Variants in IHO1 observed in about 807,000 individuals in gnomAD.
IHO1 encodes the protein interactor of HORMAD1 protein 1.
In IHO1, 13 loss-of-function variants were observed where a neutral mutation model predicts 31.0. The ratio of observed to expected loss-of-function variants is 0.42; its 90% CI spans 0.27 to 0.67. IHO1 has a LOEUF of 0.67. Ranked by LOEUF, IHO1 falls within the 30% of genes least tolerant of loss-of-function variation. The probability of loss-of-function intolerance (pLI) is 0.24; values close to 1 mark genes in which losing one functional copy is unlikely to be tolerated. For missense variants in IHO1, 599 were observed against 687.5 expected (o/e 0.87, Z 1.44); for synonymous variants, 221 against 248.4 (o/e 0.89, Z 1.04).
intron 6 of IHO1, among the ~76,000 whole-genome samples, chr3:49,246,196 A>C (rs2046692979): frequency 6.6e-6 from 1 of 151,556 alleles, no homozygotes; most frequent in Admixed American, 6.6e-5. Context: ...AAAAAAAAAA[A>C]AAAAAACTTG....
chr3:49,212,860 T>C (rs1354104272), intron 2 of IHO1, among the ~76,000 whole-genome samples: 4 of 152,218 alleles, frequency 2.6e-5, no homozygotes, highest in African/African-American at 7.2e-5. Flanking sequence ...TTCCGCAGTG[T>C]GGAAGAGGAT....
At chr3:49,211,642 T>A in intron 1 of IHO1, 124 bp from the exon 2 acceptor site, 4 of 364,868 alleles carry the variant, frequency 1.1e-5, no homozygotes, top group East Asian at 5.0e-5. Flanking sequence ...AAAACAGAAA[T>A]TTTCACTAAT....
At chr3:49,222,971 G>A (rs551015970) in intron 2 of IHO1, among the ~76,000 whole-genome samples, 1 of 152,316 alleles carries the variant, frequency 6.6e-6, no homozygotes, top group South Asian at 2.1e-4. Context: ...CATAGATGGA[G>A]AGGTAGATGG....
intron 2 of IHO1, among the ~76,000 whole-genome samples, chr3:49,224,233 G>C: frequency 1.3e-5 from 2 of 152,284 alleles, no homozygotes; most frequent in Admixed American, 1.3e-4. Flanking sequence ...GCTTAATCTC[G>C]TGGAGGGAGT....
chr3:49,256,056 T>G lies in IHO1; in HGVS notation c.637-78T>G. On this transcript the variant is annotated intron_variant, in intron 7 of 7. Coordinates refer to ENST00000452691, the MANE Select transcript of IHO1 (RefSeq NM_001135197.2). The surrounding 1 kb of genome is among the most constrained non-coding windows in gnomAD (Gnocchi z 4.6). ...AGCCTTGGTTCTGCTGTCACATCCA[T>G]TGGTCTGTTCTCATGTTTTATTGTG... 2.4e-6 allele frequency: 3 copies of G among 1,227,196 alleles called. No homozygotes were observed. Among genetic ancestry groups the G allele is most frequent in the Non-Finnish European group, 3.4e-6 (3 of 870,670 alleles). The allele number at this position is 1,227,196 out of a possible 1,614,324, so 76.0% of individuals were successfully genotyped here.
intron 2 of IHO1, chr3:49,228,286 A>G: frequency 2.2e-6 from 1 of 448,298 alleles, no homozygotes. Flanking sequence ...CCGGAAGTAC[A>G]GGAAAAGCAG....
intron 1 of IHO1, among the ~76,000 whole-genome samples, chr3:49,208,222 T>G (rs1186017476): frequency 6.6e-6 from 1 of 152,190 alleles, no homozygotes; most frequent in Non-Finnish European, 1.5e-5. Flanking sequence ...TACAATGCAA[T>G]TTAGTTCCCT....
chr3:49,195,562 A>C (rs1235430833), upstream of IHO1, among the ~76,000 whole-genome samples: 1 of 151,342 alleles, frequency 6.6e-6, no homozygotes, highest in Non-Finnish European at 1.5e-5. Context: ...CTTGACAAAA[A>C]AATTAGCTGG....
intron 1 of IHO1, among the ~76,000 whole-genome samples, chr3:49,201,234 C>T (rs1045585843): frequency 4.6e-4 from 70 of 151,978 alleles, no homozygotes; most frequent in African/African-American, 1.7e-3. Context: ...ACCTCGTGAT[C>T]CGCCTTTCTC....
intron 1 of IHO1, among the ~76,000 whole-genome samples, chr3:49,201,870 A>G (rs1005136601): frequency 1.8e-4 from 27 of 152,316 alleles, no homozygotes; most frequent in Middle Eastern, 6.8e-3. Context: ...GTGAGCCAAG[A>G]TCGCAACATT....
intron 1 of IHO1, among the ~76,000 whole-genome samples, chr3:49,210,733 G>T (rs1476672742): frequency 6.8e-5 from 9 of 132,440 alleles, no homozygotes; most frequent in Non-Finnish European, 1.6e-5. Flanking sequence ...GTCTCACTCT[G>T]TCGCCCCAGG....
chr3:49,204,768 T>C (rs2046114201), intron 1 of IHO1, among the ~76,000 whole-genome samples: 1 of 152,146 alleles, frequency 6.6e-6, no homozygotes, highest in Non-Finnish European at 1.5e-5. Context: ...CTCACGCCTG[T>C]AATCCCAGCA....
At chr3:49,195,646 C>T (rs1387866037), upstream of IHO1, among the ~76,000 whole-genome samples, 2 of 145,258 alleles carry the variant, frequency 1.4e-5, no homozygotes, top group East Asian at 4.2e-4. Flanking sequence ...CCCAGGAGAC[C>T]GAGCTTGCAG....
chr3:49,256,252 G>C lies in IHO1; in HGVS notation c.755G>C (p.Ser252Thr), dbSNP rs1160652516. 6.2e-7 allele frequency: 1 copy of C among 1,614,216 alleles called. No homozygotes were observed. The highest frequency in any genetic ancestry group is 1.1e-5 in the South Asian group (1 of 91,088). ...CEQLGQLNVP[S>T]VLAELKRLIS... ...CAGCTAGGCCAGCTGAATGTGCCCA[G>C]TGTCCTAGCAGAGCTGAAGAGATTG... Residue 252 changes from serine (S) to threonine (T), a missense_variant, in exon 8 of 8, where the codon AGT (serine) becomes ACT (threonine). By Grantham distance (58) the Ser-to-Thr change is moderately conservative. Transcript: ENST00000452691. The surrounding 1 kb of genome is among the most constrained non-coding windows in gnomAD (Gnocchi z 4.6).
At chr3:49,249,047 A>T (rs1451431211) in intron 6 of IHO1, among the ~76,000 whole-genome samples, 2 of 152,130 alleles carry the variant, frequency 1.3e-5, no homozygotes, top group Non-Finnish European at 1.5e-5. Context: ...CTGTGTTGTT[A>T]TGTAATTGGT....
intron 1 of IHO1, among the ~76,000 whole-genome samples, chr3:49,202,358 C>G (rs2046080249): frequency 7.1e-6 from 1 of 140,700 alleles, no homozygotes; most frequent in South Asian, 2.2e-4. Context: ...AAGAGTCTTG[C>G]TCTGTCGCCC....
intron 6 of IHO1, among the ~76,000 whole-genome samples, chr3:49,249,705 A>G (rs1238128208): frequency 2.6e-5 from 4 of 152,270 alleles, no homozygotes; most frequent in African/African-American, 9.6e-5. Context: ...TAAAACAACA[A>G]AAAGGTGCTC....
At chr3:49,239,995 C>A (rs2046610383) in intron 3 of IHO1, among the ~76,000 whole-genome samples, 1 of 152,148 alleles carries the variant, frequency 6.6e-6, no homozygotes, top group South Asian at 2.1e-4. Flanking sequence ...TTACATGCAT[C>A]AAATAGGGAC....
rs2046219983 is a variant in IHO1, at chr3:49,211,804, CAA to C, written c.26_27del (p.Lys9ArgfsTer19). On this transcript the variant is annotated frameshift_variant, in exon 2 of 8. Transcript: ENST00000452691. LOFTEE classifies it high-confidence loss of function. ...AAATGAATTTTAATGTCTGGAATATCAAAGAGATGCTCAGTATTCCTTCAGGC... is the reference window on the plus strand; with the variant it reads ...AAATGAATTTTAATGTCTGGAATATCAGAGATGCTCAGTATTCCTTCAGGC... Reference protein sequence around the residue: MNFNVWNIKEMLSIPSGSG... With the variant: MNFNVWNIXEMLSIPSGSG... 2 of 1,555,612 alleles carry C rather than the reference CAA, an allele frequency of 1.3e-6. No homozygotes were observed. Among genetic ancestry groups the C allele is most frequent in the African/African-American group, 1.4e-5 (1 of 73,604 alleles).
Sources: allele counts gnomAD v4.1 joint callset (sites outside exome capture counted in the v4.1 genomes callset), GRCh38; gene constraint gnomAD v4.1.1; non-coding constraint Gnocchi (gnomAD v3.1); transcripts MANE v1.5; gene names NCBI Gene and HGNC (gene_info 2026-07-23, HGNC 2026-07-21).